BCKDHB: variants seen among roughly 807,000 people sequenced by gnomAD.
The protein encoded by BCKDHB is 2-oxoisovalerate dehydrogenase subunit beta, mitochondrial.
Under a neutral mutation model 48.5 loss-of-function variants are expected in BCKDHB, and 41 were observed. The observed-to-expected ratio is 0.85, with a 90% CI of 0.66 to 1.10. The LOEUF (loss-of-function observed/expected upper bound fraction) is 1.10, where lower values mean the gene tolerates loss of function less well. Ranked by LOEUF, BCKDHB falls within the 50% of genes least tolerant of loss-of-function variation. BCKDHB has a pLI of 0.00. For missense variants in BCKDHB, 496 were observed against 494.2 expected, an observed-to-expected ratio of 1.00 and a Z score of -0.03; for synonymous variants, 201 against 174.8, an observed-to-expected ratio of 1.15 and a Z score of -1.18.
rs191720746 is a variant in BCKDHB, at chr6:80,118,265, A to G, written c.197-9282A>G. On this transcript the variant is annotated intron_variant, in intron 1 of 9. Transcript: ENST00000320393. ...TATTACAATAAAGTGAGTCACACAA[A>G]TGTATTGGTTTCCCAGTGCATATTA... Among the ~76,000 whole-genome samples, 239 of 152,332 alleles carry G rather than the reference A, an allele frequency of 1.6e-3. 2 individuals are homozygous for G. The highest frequency in any genetic ancestry group is 4.6e-3 in the African/African-American group (191 of 41,574).
Position 80,168,906 on chromosome 6 carries a change from G to T in BCKDHB, c.509G>T (p.Arg170Leu). 6.2e-7 allele frequency: 1 copy of T among 1,614,048 alleles called. No individual in the cohort carries two copies. The change falls in exon 5 of 10, where the codon CGC becomes CTC. Residue 170 changes from arginine to leucine, a missense_variant. Arg to Leu is a moderately radical substitution (Grantham distance 102). Transcript: ENST00000320393. ...IVNEAAKYRY[R>L]SGDLFNCGSL... ...AATGAAGCTGCCAAGTATCGCTATC[G>T]CTCTGGGGATCTTTTTAACTGTGGA...
At chr6:80,394,754 TC>T in the BCKDHB span, among the ~76,000 whole-genome samples, 1 of 152,198 alleles carries the variant, frequency 6.6e-6, no homozygotes, top group Non-Finnish European at 1.5e-5. Flanking sequence ...AGTAGTCTAA[TC>T]CCTGCCTGAT....
intron 3 of BCKDHB, among the ~76,000 whole-genome samples, chr6:80,165,565 T>C (rs1488931900): frequency 1.3e-5 from 2 of 152,184 alleles, no homozygotes; most frequent in African/African-American, 2.4e-5. Context: ...TCCCAAAACA[T>C]TTGGTTACAT....
At chr6:80,221,898 TGGGC>T (rs1775469563) in intron 8 of BCKDHB, among the ~76,000 whole-genome samples, 1 of 152,250 alleles carries the variant, frequency 6.6e-6, no homozygotes, top group African/African-American at 2.4e-5. Context: ...AATTCAGAAT[TGGGC>T]TTCCTAAAAC....
chr6:80,233,239 AT>A (rs1381436370), intron 8 of BCKDHB, among the ~76,000 whole-genome samples: 1 of 152,100 alleles, frequency 6.6e-6, no homozygotes, highest in African/African-American at 2.4e-5. Flanking sequence ...ATTCCATTCC[AT>A]TTTATATTCA....
chr6:80,254,389 C>G (rs1320475661), intron 8 of BCKDHB, among the ~76,000 whole-genome samples: 2 of 151,934 alleles, frequency 1.3e-5, no homozygotes, highest in African/African-American at 4.8e-5. Context: ...TGTCTGTACA[C>G]TAATTTTTAA....
intron 6 of BCKDHB, among the ~76,000 whole-genome samples, chr6:80,188,043 C>T (rs569690288): frequency 2.6e-5 from 4 of 152,244 alleles, no homozygotes; most frequent in African/African-American, 9.6e-5. Flanking sequence ...TTCACTGCAG[C>T]ACTATTCACA....
chr6:80,274,052 G>A (rs545485490), intron 9 of BCKDHB, among the ~76,000 whole-genome samples: 1 of 151,966 alleles, frequency 6.6e-6, no homozygotes, highest in South Asian at 2.1e-4. Context: ...TAAAATATAT[G>A]AATAGGGAAT....
chr6:80,329,155 C>T (rs916202016), intron 9 of BCKDHB, among the ~76,000 whole-genome samples: 5 of 152,102 alleles, frequency 3.3e-5, no homozygotes, highest in Admixed American at 3.3e-4. Flanking sequence ...CAATTACTTA[C>T]AAACTACAGT....
chr6:80,149,019 C>T (rs548970492), intron 3 of BCKDHB, among the ~76,000 whole-genome samples: 2,831 of 152,228 alleles, frequency 0.019, 80 homozygotes, highest in African/African-American at 0.065. Context: ...AAACTACCAT[C>T]AGAGTGAACA....
the BCKDHB span, among the ~76,000 whole-genome samples, chr6:80,456,621 A>G: frequency 8.5e-5 from 13 of 152,232 alleles, no homozygotes; most frequent in Non-Finnish European, 1.8e-4. Context: ...GATAATATTT[A>G]GCCTGAAGGT....
intron 8 of BCKDHB, among the ~76,000 whole-genome samples, chr6:80,236,018 G>A (rs1169449414): frequency 1.3e-5 from 2 of 152,124 alleles, no homozygotes; most frequent in African/African-American, 4.8e-5. Context: ...ATGTGGAAAG[G>A]CTGCTTTTGC....
chr6:80,107,325 G>A (rs553459769), intron 1 of BCKDHB, among the ~76,000 whole-genome samples: 1 of 144,428 alleles, frequency 6.9e-6, no homozygotes, highest in Admixed American at 6.9e-5. Flanking sequence ...TATTTTAAAT[G>A]TATATTATAT....
At chr6:80,363,008 A>C in the BCKDHB span, among the ~76,000 whole-genome samples, 16 of 152,024 alleles carry the variant, frequency 1.1e-4, no homozygotes, top group African/African-American at 3.9e-4. Flanking sequence ...ACAATTTTCC[A>C]CTCTTCTCCT....
At chr6:80,269,136 A>G (rs1185133427) in intron 8 of BCKDHB, among the ~76,000 whole-genome samples, 3 of 152,164 alleles carry the variant, frequency 2.0e-5, no homozygotes, top group Non-Finnish European at 4.4e-5. Flanking sequence ...TGCATTGGTT[A>G]ATTTATGGTC....
At chr6:80,189,539 C>A (rs1385894744) in intron 6 of BCKDHB, among the ~76,000 whole-genome samples, 1 of 152,132 alleles carries the variant, frequency 6.6e-6, no homozygotes, top group Non-Finnish European at 1.5e-5. Flanking sequence ...GCTAGCTTAT[C>A]TTCAGAATTT....
chr6:80,179,828 C>T (rs903100003), intron 6 of BCKDHB, among the ~76,000 whole-genome samples: 1 of 152,148 alleles, frequency 6.6e-6, no homozygotes, highest in Non-Finnish European at 1.5e-5. Context: ...AATCATTAGT[C>T]ATTAAGGGAC....
chr6:80,420,691 T>C, the BCKDHB span, among the ~76,000 whole-genome samples: 1 of 152,308 alleles, frequency 6.6e-6, no homozygotes, highest in East Asian at 1.9e-4. Flanking sequence ...TTGAGCATTG[T>C]GCAGGTTGCT....
chr6:80,163,826 G>A (rs748898464), intron 3 of BCKDHB, among the ~76,000 whole-genome samples: 1 of 152,082 alleles, frequency 6.6e-6, no homozygotes, highest in East Asian at 1.9e-4. Context: ...AGGTTACCCA[G>A]GCCAAAAGAC....
Sources: gnomAD v4.1 joint callset for allele counts (sites outside exome capture counted in the v4.1 genomes callset) on GRCh38, gnomAD v4.1.1 for gene constraint, MANE v1.5 for transcripts, NCBI Gene and HGNC (gene_info 2026-07-23, HGNC 2026-07-21) for gene names.